ADAMTS18: variants seen among roughly 807,000 people sequenced by gnomAD.
ADAMTS18 encodes A disintegrin and metalloproteinase with thrombospondin motifs 18.
Under a neutral mutation model 165.9 loss-of-function variants are expected in ADAMTS18, and 157 were observed. The ratio of observed to expected loss-of-function variants is 0.95; its 90% CI spans 0.83 to 1.08. The LOEUF (loss-of-function observed/expected upper bound fraction) is 1.08, where lower values mean the gene tolerates loss of function less well. Among genes scored for constraint, ADAMTS18 ranks in the 50% least tolerant of loss-of-function variants. The pLI, the probability that ADAMTS18 is intolerant of heterozygous loss-of-function variation, is 0.00. For missense variants in ADAMTS18, 2,040 were observed against 1,534.0 expected (o/e 1.33, Z -5.51); for synonymous variants, 782 against 578.2 (o/e 1.35, Z -5.06).
intron 3 of ADAMTS18, among the ~76,000 whole-genome samples, chr16:77,382,967 T>C (rs2057053524): frequency 6.6e-6 from 1 of 152,210 alleles, no homozygotes; most frequent in Admixed American, 6.5e-5. Flanking sequence ...TTAATGTGAA[T>C]TTTGTGATCC....
At chr16:77,393,848 C>T (rs1015161877) in intron 3 of ADAMTS18, among the ~76,000 whole-genome samples, 6 of 152,246 alleles carry the variant, frequency 3.9e-5, no homozygotes, top group Non-Finnish European at 5.9e-5. Flanking sequence ...CGACTCTTGG[C>T]TGTAGGTCCA....
intron 12 of ADAMTS18, among the ~76,000 whole-genome samples, chr16:77,327,429 A>C (rs2056114790): frequency 6.6e-6 from 1 of 152,158 alleles, no homozygotes; most frequent in Non-Finnish European, 1.5e-5. Flanking sequence ...AGAACATACA[A>C]TGTTTGGTTT....
chr16:77,367,721 T>A lies in ADAMTS18; in HGVS notation c.498A>T (p.Ser166=). 2 of 1,614,222 alleles carry A rather than the reference T, an allele frequency of 1.2e-6. No homozygotes were observed. Among genetic ancestry groups the A allele is most frequent in the Non-Finnish European group, 1.7e-6 (2 of 1,180,030 alleles). The change falls in exon 4 of 23, where the codon TCA becomes TCT. Residue 166 remains serine (S), a splice_region_variant and synonymous_variant. Coordinates refer to ENST00000282849, the MANE Select transcript of ADAMTS18 (RefSeq NM_199355.4). ...CATTTTTTCGTGTCCTTATTAAACC[T>A]GACTAAAAAGCCAAACACAAAGCAA... ...SVAVSTCAGL[S]GLIRTRKNEF...
intron 13 of ADAMTS18, among the ~76,000 whole-genome samples, chr16:77,324,572 G>A (rs8059032): frequency 0.46 from 70,417 of 151,894 alleles, 16,991 homozygotes; most frequent in East Asian, 0.88. Context: ...GAAGATAACA[G>A]ATAAATGACC....
At position 77,283,995 on chromosome 16, in the gene ADAMTS18, G is replaced by A. The variant is rs202179665; in HGVS notation, c.3627C>T (p.Tyr1209=). 4.5e-5 allele frequency: 72 copies of A among 1,613,916 alleles called. No individual in the cohort carries two copies. Among genetic ancestry groups the A allele is most frequent in the East Asian group, 1.3e-4 (6 of 44,854 alleles). Residue 1209 remains tyrosine (Y), a synonymous_variant, in exon 23 of 23, where the codon TAC becomes TAT. Transcript: ENST00000282849. ...PQHGVCNHKF[Y]GKQCCKSCTR... ...TGCATGACTTGCAGCATTGTTTTCCGTAAAACTTGTGGTTGCAGACACCAT... is the reference window on the plus strand; with the variant it reads ...TGCATGACTTGCAGCATTGTTTTCCATAAAACTTGTGGTTGCAGACACCAT...
intron 15 of ADAMTS18, among the ~76,000 whole-genome samples, chr16:77,320,805 T>C (rs950856940): frequency 6.6e-6 from 1 of 152,226 alleles, no homozygotes; most frequent in African/African-American, 2.4e-5. Context: ...CAATGTTTCT[T>C]TGCTTAACAA....
intron 8 of ADAMTS18, among the ~76,000 whole-genome samples, chr16:77,356,843 G>C (rs1398412367): frequency 6.6e-6 from 1 of 152,098 alleles, no homozygotes; most frequent in Non-Finnish European, 1.5e-5. Context: ...GAATAAATGT[G>C]ACATTAATGT....
chr16:77,387,605 A>C (rs930079435), intron 3 of ADAMTS18, among the ~76,000 whole-genome samples: 3 of 152,152 alleles, frequency 2.0e-5, no homozygotes. Flanking sequence ...TTCCACTGCC[A>C]TGTCTTTCTT....
intron 3 of ADAMTS18, among the ~76,000 whole-genome samples, chr16:77,397,563 T>C (rs756176821): frequency 2.6e-5 from 4 of 152,218 alleles, no homozygotes; most frequent in African/African-American, 7.2e-5. Flanking sequence ...AACACAGTGA[T>C]GTTAATCTAT....
intron 12 of ADAMTS18, among the ~76,000 whole-genome samples, chr16:77,333,826 A>C (rs1491003421): frequency 6.8e-6 from 1 of 146,872 alleles, no homozygotes; most frequent in Non-Finnish European, 1.5e-5. Flanking sequence ...ATATATTAAT[A>C]GTATATATTA....
chr16:77,357,791 ACTT>A (rs1164199757), intron 8 of ADAMTS18, among the ~76,000 whole-genome samples: 3 of 152,206 alleles, frequency 2.0e-5, no homozygotes, highest in Non-Finnish European at 2.9e-5. Flanking sequence ...CTGTTTCAGA[ACTT>A]CTTAAGTCCA....
At chr16:77,334,850 A>AC in intron 12 of ADAMTS18, among the ~76,000 whole-genome samples, 1 of 126,516 alleles carries the variant, frequency 7.9e-6, no homozygotes, top group East Asian at 2.2e-4. Flanking sequence ...CAGTATATAT[A>AC]ATATACTATA....
At chr16:77,430,693 A>G (rs2057728026) in intron 3 of ADAMTS18, among the ~76,000 whole-genome samples, 1 of 152,228 alleles carries the variant, frequency 6.6e-6, no homozygotes, top group Non-Finnish European at 1.5e-5. Context: ...TGAGGATTAC[A>G]TAGGGAGGAA....
chr16:77,428,960 T>A (rs1426993669), intron 3 of ADAMTS18, among the ~76,000 whole-genome samples: 2 of 152,186 alleles, frequency 1.3e-5, no homozygotes, highest in Admixed American at 6.5e-5. Context: ...TATACAAGAA[T>A]GTTCAGTCAT....
At chr16:77,418,976 C>T (rs898309032) in intron 3 of ADAMTS18, among the ~76,000 whole-genome samples, 4 of 152,144 alleles carry the variant, frequency 2.6e-5, no homozygotes, top group Non-Finnish European at 5.9e-5. Context: ...TGGTGAAACA[C>T]CGTCTCTACT....
intron 16 of ADAMTS18, among the ~76,000 whole-genome samples, chr16:77,310,622 G>A (rs1015219485): frequency 1.4e-5 from 2 of 148,128 alleles, no homozygotes; most frequent in African/African-American, 5.0e-5. Flanking sequence ...AAAGATTTAT[G>A]TCTTAACCTT....
intron 3 of ADAMTS18, among the ~76,000 whole-genome samples, chr16:77,425,891 A>G (rs1056967746): frequency 3.3e-5 from 5 of 152,030 alleles, no homozygotes; most frequent in Non-Finnish European, 7.4e-5. Context: ...AAAAATAACA[A>G]AAAAATTAGC....
At chr16:77,323,463 C>T (rs1012446997) in intron 13 of ADAMTS18, among the ~76,000 whole-genome samples, 5 of 151,750 alleles carry the variant, frequency 3.3e-5, no homozygotes, top group South Asian at 2.1e-4. Flanking sequence ...TTATTTAATG[C>T]GTAATTTTTG....
At chr16:77,338,123 T>G (rs554013497) in intron 11 of ADAMTS18, among the ~76,000 whole-genome samples, 15 of 152,064 alleles carry the variant, frequency 9.9e-5, no homozygotes, top group Non-Finnish European at 1.8e-4. Context: ...AGGCTGGTCT[T>G]GAACTCCTGA....
Sources: gnomAD v4.1 joint callset for allele counts (sites outside exome capture counted in the v4.1 genomes callset) on GRCh38, gnomAD v4.1.1 for gene constraint, MANE v1.5 for transcripts, NCBI Gene and HGNC (gene_info 2026-07-23, HGNC 2026-07-21) for gene names.